ADGRG6: variants seen among roughly 807,000 people sequenced by gnomAD.
ADGRG6 encodes the protein G-protein coupled receptor 126.
Under a neutral mutation model 142.4 loss-of-function variants are expected in ADGRG6, and 84 were observed. The ratio of observed to expected loss-of-function variants is 0.59; its 90% CI spans 0.49 to 0.71. The LOEUF (loss-of-function observed/expected upper bound fraction) is 0.71. Among genes scored for constraint, ADGRG6 ranks in the 30% least tolerant of loss-of-function variants. ADGRG6 has a pLI of 0.00. For missense variants in ADGRG6, 1,367 were observed against 1,466.6 expected (o/e 0.93, Z 1.11); for synonymous variants, 521 against 520.5 (o/e 1.00, Z -0.01).
At chr6:142,323,359 TA>T (rs765417655) in intron 2 of ADGRG6, among the ~76,000 whole-genome samples, 1 of 152,034 alleles carries the variant, frequency 6.6e-6, no homozygotes, top group African/African-American at 2.4e-5. Context: ...CAGTACGCAT[TA>T]AAAAAAGGTG....
At chr6:142,388,952 GA>G (rs1442548390) in intron 6 of ADGRG6, among the ~76,000 whole-genome samples, 7 of 151,902 alleles carry the variant, frequency 4.6e-5, no homozygotes, top group Non-Finnish European at 1.0e-4. Flanking sequence ...ATCTTTATAT[GA>G]ATTATTTGTT....
intron 4 of ADGRG6, among the ~76,000 whole-genome samples, chr6:142,373,344 G>T (rs1347826117): frequency 6.8e-6 from 1 of 147,334 alleles, no homozygotes; most frequent in African/African-American, 2.5e-5. Flanking sequence ...AGTGCATTCT[G>T]TGAGAAAACA....
At chr6:142,431,547 C>T (rs1777208146) in intron 22 of ADGRG6, among the ~76,000 whole-genome samples, 1 of 152,096 alleles carries the variant, frequency 6.6e-6, no homozygotes, top group Non-Finnish European at 1.5e-5. Context: ...TTGTCCTGGT[C>T]CCAGTCACAT....
chr6:142,389,551 C>T (rs1316533536), intron 6 of ADGRG6, among the ~76,000 whole-genome samples: 2 of 151,792 alleles, frequency 1.3e-5, no homozygotes, highest in Non-Finnish European at 3.0e-5. Context: ...TTTAAAGATT[C>T]CCCCCACCCA....
intron 1 of ADGRG6, among the ~76,000 whole-genome samples, chr6:142,306,573 G>T (rs904673520): frequency 3.1e-4 from 47 of 152,066 alleles, no homozygotes; most frequent in African/African-American, 1.1e-3. Flanking sequence ...ATAATCTTTA[G>T]GTTTCTTCCA....
intron 1 of ADGRG6, among the ~76,000 whole-genome samples, chr6:142,308,169 G>A (rs902123831): frequency 1.3e-5 from 2 of 151,982 alleles, no homozygotes; most frequent in African/African-American, 4.8e-5. Flanking sequence ...TTGAGTACTT[G>A]CTGAGTGTCA....
intron 2 of ADGRG6, among the ~76,000 whole-genome samples, chr6:142,343,587 T>C (rs1165074484): frequency 6.6e-6 from 1 of 151,884 alleles, no homozygotes; most frequent in African/African-American, 2.4e-5. Context: ...AATATAGTTT[T>C]TACAATTATA....
intron 7 of ADGRG6, 136 bp from the exon 8 acceptor site, chr6:142,392,812 A>T (rs1774966293): frequency 7.9e-6 from 5 of 630,746 alleles, no homozygotes; most frequent in Non-Finnish European, 1.4e-5. Flanking sequence ...TGATCCATTA[A>T]CTGTTCACTC....
At chr6:142,312,892 G>T (rs1777838506) in intron 2 of ADGRG6, among the ~76,000 whole-genome samples, 1 of 152,012 alleles carries the variant, frequency 6.6e-6, no homozygotes, top group Admixed American at 6.6e-5. Flanking sequence ...CTGCCTATTT[G>T]CTTGGGAAGC....
intron 22 of ADGRG6, among the ~76,000 whole-genome samples, chr6:142,424,931 A>G (rs183078710): frequency 3.3e-5 from 5 of 152,288 alleles, no homozygotes; most frequent in Admixed American, 2.6e-4. Flanking sequence ...AATTAACTAG[A>G]TGAAAGATGG....
At chr6:142,327,924 ATT>A (rs758736992) in intron 2 of ADGRG6, among the ~76,000 whole-genome samples, 1 of 151,286 alleles carries the variant, frequency 6.6e-6, no homozygotes. Context: ...TTGGTGTGTA[ATT>A]TTTTTTTCAG....
In ADGRG6 at chr6:142,438,371, C is replaced by T; in HGVS notation, c.3574+7C>T. Reference sequence around the variant, plus strand: ...AAAAGGAATAGCCACACAGGTGAGTCTAAAGATGTCCTCAAGTTTAGTTCT... The same window carrying T: ...AAAAGGAATAGCCACACAGGTGAGTTTAAAGATGTCCTCAAGTTTAGTTCT... On this transcript the variant is annotated splice_region_variant and intron_variant, in intron 24 of 24. Coordinates refer to ENST00000367609, the MANE Select transcript of ADGRG6 (RefSeq NM_198569.3). 6.4e-7 allele frequency: 1 copy of T among 1,571,416 alleles called. No homozygotes were observed.
At chr6:142,349,294 C>G (rs542681338) in intron 2 of ADGRG6, among the ~76,000 whole-genome samples, 12 of 152,334 alleles carry the variant, frequency 7.9e-5, no homozygotes, top group Admixed American at 7.2e-4. Context: ...CTTGGAGCAA[C>G]ACCTCTGTGG....
intron 22 of ADGRG6, among the ~76,000 whole-genome samples, chr6:142,426,062 C>A (rs1309616358): frequency 1.3e-5 from 2 of 152,098 alleles, no homozygotes; most frequent in Non-Finnish European, 2.9e-5. Context: ...CACAGCCAAA[C>A]CATATTATTC....
chr6:142,399,381 G>A (rs1033820480), intron 10 of ADGRG6, among the ~76,000 whole-genome samples: 1 of 152,154 alleles, frequency 6.6e-6, no homozygotes, highest in Non-Finnish European at 1.5e-5. Flanking sequence ...AACCATTTCT[G>A]AGTCTCTATG....
At chr6:142,400,761 G>A in intron 11 of ADGRG6, 165 bp downstream of exon 11, 1 of 548,114 alleles carries the variant, frequency 1.8e-6, no homozygotes, top group Non-Finnish European at 3.3e-6. Flanking sequence ...GATAACATAA[G>A]TGGATGACTC....
At chr6:142,306,713 C>G (rs764755252) in intron 1 of ADGRG6, among the ~76,000 whole-genome samples, 51 of 151,844 alleles carry the variant, frequency 3.4e-4, no homozygotes, top group African/African-American at 5.6e-4. Context: ...CTTGTAGTTC[C>G]TATTTAGAAC....
At chr6:142,324,683 A>G (rs972056984) in intron 2 of ADGRG6, among the ~76,000 whole-genome samples, 2 of 152,116 alleles carry the variant, frequency 1.3e-5, no homozygotes, top group African/African-American at 2.4e-5. Flanking sequence ...GGAGCAGCAA[A>G]GTATTTTCTG....
At chr6:142,398,224 G>A (rs1163706440) in intron 10 of ADGRG6, among the ~76,000 whole-genome samples, 3 of 152,150 alleles carry the variant, frequency 2.0e-5, no homozygotes, top group Non-Finnish European at 4.4e-5. Context: ...CCAGGAATTC[G>A]AGACTAGCCT....
Sources: gnomAD v4.1 joint callset for allele counts (sites outside exome capture counted in the v4.1 genomes callset) on GRCh38, gnomAD v4.1.1 for gene constraint, MANE v1.5 for transcripts, NCBI Gene and HGNC (gene_info 2026-07-23, HGNC 2026-07-21) for gene names.